RTCA: variants seen among roughly 807,000 people sequenced by gnomAD.
RTCA encodes the protein RNA 3'-terminal phosphate cyclase, also known as RNA terminal phosphate cyclase domain 1.
A neutral mutation model predicts 46.1 loss-of-function variants in RTCA; 37 were observed. The ratio of observed to expected loss-of-function variants is 0.80; its 90% confidence interval spans 0.62 to 1.06. The LOEUF (loss-of-function observed/expected upper bound fraction) is 1.06. Ranked by LOEUF, RTCA falls within the 50% of genes least tolerant of loss-of-function variation. The pLI is 0.00. For missense variants in RTCA, 435 were observed against 455.5 expected (o/e 0.95, Z 0.41); for synonymous variants, 164 against 158.3 (o/e 1.04, Z -0.27).
At position 100,266,569 on chromosome 1, in the gene RTCA, G is replaced by A. The variant is rs527962747; in HGVS notation, c.91G>A (p.Gly31Ser). Residue 31 changes from glycine (G) to serine (S), a missense_variant, in exon 2 of 11, where the codon GGC (glycine) becomes AGC (serine). Gly to Ser is a moderately conservative substitution (Grantham distance 56, BLOSUM62 0). Coordinates refer to ENST00000370128, the MANE Select transcript of RTCA (RefSeq NM_003729.4). ...CTCTACGGCCTTGAGCTGTCTCCTA[G>A]GCCTCCCCTTGCGGGTGCAGAAGAT... is the stretch of plus-strand genomic sequence containing the variant. The part of the protein sequence containing the change: ...RVSTALSCLL[G>S]LPLRVQKIRA... The A allele has an allele frequency of 1.5e-5, 25 of 1,614,044 alleles. No homozygotes were observed. The highest frequency in any genetic ancestry group is 2.0e-5 in the Non-Finnish European group (24 of 1,179,920).
At chr1:100,283,935 G>GAAAAAAAAAAAAAAAAAAAAA (rs763030720) in intron 8 of RTCA, among the ~76,000 whole-genome samples, 2 of 55,112 alleles carry the variant, frequency 3.6e-5, no homozygotes, top group African/African-American at 7.9e-5. Context: ...AAAAAAAAAA[G>GAAAAAAAAAAAAAAAAAAAAA]AAAAAAAAAA....
At chr1:100,283,952 AAAAACAAG>A (rs1570889016) in intron 8 of RTCA, among the ~76,000 whole-genome samples, 19 of 44,230 alleles carry the variant, frequency 4.3e-4, no homozygotes, top group East Asian at 2.0e-3. Flanking sequence ...AAAAAAAAGA[AAAAACAAG>A]AAAAAACAAG....
At chr1:100,281,141 A>G (rs1392320015) in intron 8 of RTCA, 2 of 513,510 alleles carry the variant, frequency 3.9e-6, no homozygotes, top group East Asian at 5.5e-5. Context: ...TGTCTTTATC[A>G]TTGTCTCAGT....
intron 9 of RTCA, among the ~76,000 whole-genome samples, chr1:100,286,453 T>G (rs1667032120): frequency 2.3e-5 from 1 of 44,306 alleles, no homozygotes; most frequent in African/African-American, 1.5e-4. Context: ...AGACTCCGTC[T>G]CAAAAAAAAA....
Position 100,291,672 on chromosome 1 carries a change from A to G in RTCA, c.*168A>G, listed in dbSNP as rs1341565456. 4.5e-6 allele frequency: 2 copies of G among 439,910 alleles called. No homozygotes were observed. The highest frequency in any genetic ancestry group is 2.0e-5 in the African/African-American group (1 of 49,238). 27.3% of individuals were successfully genotyped at this position (439,910 alleles called of 1,614,324 possible). ...CTTCATTAAATTAATCTCACTTTGA[A>G]TATCTCCTGAGAGATGGACAATGAA... On this transcript the variant is annotated 3_prime_UTR_variant, in exon 11 of 11. Transcript: ENST00000370128.
chr1:100,283,160 C>CTTTTTTTTTTTTTT (rs71084815), intron 8 of RTCA, among the ~76,000 whole-genome samples: 1 of 102,106 alleles, frequency 9.8e-6, no homozygotes, highest in Non-Finnish European at 1.9e-5. Flanking sequence ...CCAAATATTC[C>CTTTTTTTTTTTTTT]TTTTTTTTTT....
intron 5 of RTCA, among the ~76,000 whole-genome samples, chr1:100,274,389 G>A (rs905731479): frequency 2.0e-5 from 3 of 152,214 alleles, no homozygotes; most frequent in Admixed American, 6.5e-5. Context: ...GCCAGACATT[G>A]TTTTAGGCAC....
intron 4 of RTCA, among the ~76,000 whole-genome samples, chr1:100,272,266 G>A (rs1570876423): frequency 6.6e-6 from 1 of 152,062 alleles, no homozygotes; most frequent in African/African-American, 2.4e-5. Flanking sequence ...GCTACATTTT[G>A]CATTATTACC....
At chr1:100,281,603 G>A (rs1203415483) in intron 8 of RTCA, among the ~76,000 whole-genome samples, 1 of 152,154 alleles carries the variant, frequency 6.6e-6, no homozygotes, top group African/African-American at 2.4e-5. Context: ...AATGAATTGT[G>A]CCTCTGGTTA....
In RTCA at chr1:100,291,406, A is replaced by G. The variant is rs761236897; in HGVS notation, c.1003A>G (p.Lys335Glu). The G allele has an allele frequency of 4.5e-5, 72 of 1,604,146 alleles. No individual in the cohort carries two copies. Among genetic ancestry groups the G allele is most frequent in the Non-Finnish European group, 5.8e-5 (68 of 1,173,690 alleles). ...TATACTCCTCTTCTGATTTCAGGCT[A>G]AATTTATTGTGAAGAAATCAGAAGA... ...IHFAEQIAKA[K>E]FIVKKSEDEE... The change falls in exon 11 of 11, where the codon AAA becomes GAA. Residue 335 changes from lysine (K) to glutamate (E), a missense_variant. By Grantham distance (56) the Lys-to-Glu change is moderately conservative. Coordinates refer to ENST00000370128, the MANE Select transcript of RTCA (RefSeq NM_003729.4).
Position 100,275,618 on chromosome 1 carries a change from C to T in RTCA, c.635C>T (p.Ala212Val), listed in dbSNP as rs201551938. 42 of 1,604,638 alleles carry T rather than the reference C, an allele frequency of 2.6e-5. No homozygotes were observed. The Middle Eastern group carries it at 5.0e-4, about 19-fold the overall frequency. Residue 212 changes from alanine (A) to valine (V), a missense_variant, in exon 7 of 11, where the codon GCG becomes GTG. Ala to Val is a moderately conservative substitution (Grantham distance 64). Coordinates refer to ENST00000370128, the MANE Select transcript of RTCA (RefSeq NM_003729.4). ...LPFKVAKDMA[A>V]AAVRCIRKEI... The stretch of plus-strand genomic sequence containing the variant: ...AAATAGGTAGCAAAAGATATGGCAG[C>T]GGCAGCAGTTAGATGCATCAGAAAG...
chr1:100,289,960 CGT>C (rs1667262698), intron 10 of RTCA, among the ~76,000 whole-genome samples: 1 of 152,124 alleles, frequency 6.6e-6, no homozygotes, highest in African/African-American at 2.4e-5. Context: ...ATAGCTGCTA[CGT>C]GTGTTTCATA....
intron 8 of RTCA, among the ~76,000 whole-genome samples, chr1:100,278,613 AT>A (rs748084049): frequency 2.6e-5 from 4 of 152,234 alleles, no homozygotes; most frequent in Admixed American, 6.5e-5. Flanking sequence ...TGCAAAATAA[AT>A]AAACAAATAA....
chr1:100,274,436 C>A (rs886068326), intron 5 of RTCA, among the ~76,000 whole-genome samples: 2 of 152,208 alleles, frequency 1.3e-5, no homozygotes, highest in Non-Finnish European at 1.5e-5. Flanking sequence ...AAGTCTAGCC[C>A]TCAAGGCGCT....
chr1:100,279,265 C>T (rs563070275), intron 8 of RTCA, among the ~76,000 whole-genome samples: 3 of 152,286 alleles, frequency 2.0e-5, no homozygotes, highest in African/African-American at 7.2e-5. Context: ...TTCCTGCCTC[C>T]TGGGTTATTC....
At chr1:100,268,366 T>C in intron 3 of RTCA, 71 bp downstream of exon 3, 1 of 1,249,604 alleles carries the variant, frequency 8.0e-7, no homozygotes, top group Non-Finnish European at 1.1e-6. Flanking sequence ...TCTGGGCAAG[T>C]TGCTTAATGT....
At chr1:100,270,715 C>T (rs1666040880) in intron 4 of RTCA, 35 bp downstream of exon 4, 1 of 1,604,420 alleles carries the variant, frequency 6.2e-7, no homozygotes, top group Non-Finnish European at 8.5e-7. Flanking sequence ...CTAAGATGAT[C>T]TCATACATGC....
At chr1:100,275,059 AT>A (rs1557975549) in intron 6 of RTCA, 94 bp downstream of exon 6, 3 of 1,267,388 alleles carry the variant, frequency 2.4e-6, no homozygotes, top group South Asian at 1.6e-5. Flanking sequence ...AGAACTTAAC[AT>A]TTTTTTAAGG....
chr1:100,273,117 C>T (rs10783128), intron 4 of RTCA, among the ~76,000 whole-genome samples: 117,687 of 152,098 alleles, frequency 0.77, 47,411 homozygotes, highest in East Asian at 0.95. Context: ...TATTGGCCTT[C>T]GGAGTAGAAT....
Sources: gnomAD v4.1 joint callset for allele counts (sites outside exome capture counted in the v4.1 genomes callset) on GRCh38, gnomAD v4.1.1 for gene constraint, MANE v1.5 for transcripts, NCBI Gene and HGNC (gene_info 2026-07-23, HGNC 2026-07-21) for gene names.